The following UBE2QL1 variants were observed in gnomAD, a reference collection of about 807,000 sequenced individuals.
UBE2QL1 encodes ubiquitin-conjugating enzyme E2Q-like protein 1.
Under a neutral mutation model 12.6 loss-of-function variants are expected in UBE2QL1, and 5 were observed. The ratio of observed to expected loss-of-function variants is 0.40; its 90% CI spans 0.21 to 0.83. The LOEUF (loss-of-function observed/expected upper bound fraction) is 0.83. Among genes scored for constraint, UBE2QL1 ranks in the 40% least tolerant of loss-of-function variants. The probability of loss-of-function intolerance (pLI) is 0.37; values close to 1 mark genes in which losing one functional copy is unlikely to be tolerated. For synonymous variants in UBE2QL1, 96 were observed against 94.5 expected (o/e 1.02, Z -0.10); for missense variants, 99 against 222.6 (o/e 0.44, Z 3.53).
intron 1 of UBE2QL1, among the ~76,000 whole-genome samples, chr5:6,487,334 G>A (rs1412704807): frequency 3.3e-5 from 5 of 152,342 alleles, no homozygotes; most frequent in Middle Eastern, 3.4e-3. Context: ...GACAGATGCA[G>A]CCCTGGAGAA....
At chr5:6,463,606 T>TATTATG (rs1445905414) in intron 1 of UBE2QL1, among the ~76,000 whole-genome samples, 1 of 141,072 alleles carries the variant, frequency 7.1e-6, no homozygotes, top group Admixed American at 6.9e-5. Context: ...CTGTTATTAT[T>TATTATG]ATTATTATTA....
intron 1 of UBE2QL1, among the ~76,000 whole-genome samples, chr5:6,485,266 G>A (rs770704750): frequency 6.6e-6 from 1 of 152,170 alleles, no homozygotes; most frequent in African/African-American, 2.4e-5. Flanking sequence ...GAAGTCCCCT[G>A]CTTGTCAGTG....
At chr5:6,486,260 G>C (rs1465260423) in intron 1 of UBE2QL1, among the ~76,000 whole-genome samples, 2 of 151,976 alleles carry the variant, frequency 1.3e-5, no homozygotes, top group Non-Finnish European at 2.9e-5. Context: ...GGGATTTGAA[G>C]CCAGGTCTAC....
chr5:6,456,549 A>G (rs762894474), intron 1 of UBE2QL1, among the ~76,000 whole-genome samples: 1 of 151,358 alleles, frequency 6.6e-6, no homozygotes, highest in Non-Finnish European at 1.5e-5. Context: ...GTAAGTCGGC[A>G]AGCTAAGCTA....
intron 1 of UBE2QL1, among the ~76,000 whole-genome samples, chr5:6,483,185 C>G (rs929955488): frequency 6.6e-6 from 1 of 152,190 alleles, no homozygotes; most frequent in Non-Finnish European, 1.5e-5. Context: ...CCTGTAATCC[C>G]AGCACTTTGG....
chr5:6,475,309 A>G (rs1417894569), intron 1 of UBE2QL1, among the ~76,000 whole-genome samples: 11 of 152,218 alleles, frequency 7.2e-5, no homozygotes, highest in Admixed American at 7.2e-4. Flanking sequence ...TCAACCAGAG[A>G]CTAGGAATTT....
intron 1 of UBE2QL1, 89 bp from the exon 2 acceptor site, chr5:6,491,129 C>T (rs1415818936): frequency 1.1e-5 from 15 of 1,398,878 alleles, no homozygotes; most frequent in Non-Finnish European, 1.4e-5. Context: ...ATCAGAAATC[C>T]CCACGACTCT....
intron 1 of UBE2QL1, among the ~76,000 whole-genome samples, chr5:6,473,598 C>T (rs1003790283): frequency 2.6e-5 from 4 of 152,190 alleles, no homozygotes; most frequent in Non-Finnish European, 5.9e-5. Context: ...AATTCAGTTC[C>T]TCAAAAATAG....
chr5:6,463,721 G>A (rs1454579023), intron 1 of UBE2QL1, among the ~76,000 whole-genome samples: 2 of 150,692 alleles, frequency 1.3e-5, no homozygotes, highest in Non-Finnish European at 3.0e-5. Context: ...TCCGCCTCCC[G>A]GGTTCACGCC....
chr5:6,452,319 T>G (rs1739426967), intron 1 of UBE2QL1, among the ~76,000 whole-genome samples: 2 of 152,330 alleles, frequency 1.3e-5, no homozygotes, highest in South Asian at 2.1e-4. Context: ...TGTTGCTGTC[T>G]GAATTCTGGT....
At position 6,492,843 on chromosome 5, in the gene UBE2QL1, C is replaced by G. The variant is rs1364583010; in HGVS notation, c.*1494C>G. 6.6e-6 allele frequency: 1 copy of G among 152,194 alleles called. No homozygotes were observed. Among genetic ancestry groups the G allele is most frequent in the African/African-American group, 2.4e-5 (1 of 41,438 alleles). 9.4% of individuals were successfully genotyped at this position (152,194 alleles called of 1,614,324 possible). A position where few individuals can be genotyped will look rare whatever the true frequency, so the allele number is the denominator to read the frequency against. On this transcript the variant is annotated 3_prime_UTR_variant, in exon 2 of 2. Transcript: ENST00000399816. ...CAAGTTCAGATGTTGCCAATTGTAT[C>G]TTACTGCTGTGAAGGAGGAAAAGTC...
intron 1 of UBE2QL1, among the ~76,000 whole-genome samples, chr5:6,465,967 T>C (rs1739780252): frequency 6.6e-6 from 1 of 152,172 alleles, no homozygotes. Context: ...TGTCTCCCTC[T>C]GCTGCCCAGG....
chr5:6,463,489 T>A (rs1249224864), intron 1 of UBE2QL1, among the ~76,000 whole-genome samples: 1 of 151,966 alleles, frequency 6.6e-6, no homozygotes, highest in Non-Finnish European at 1.5e-5. Flanking sequence ...GCAAACGCCC[T>A]TGATTTTTTG....
At chr5:6,454,188 C>G (rs1739471304) in intron 1 of UBE2QL1, among the ~76,000 whole-genome samples, 1 of 152,146 alleles carries the variant, frequency 6.6e-6, no homozygotes, top group African/African-American at 2.4e-5. Context: ...AGCCATACAA[C>G]ACACAAAATG....
chr5:6,451,067 T>TTG (rs879855569), intron 1 of UBE2QL1, among the ~76,000 whole-genome samples: 1 of 152,244 alleles, frequency 6.6e-6, no homozygotes, highest in East Asian at 1.9e-4. Context: ...CAGTCTGTTA[T>TTG]TGTTTTTCAT....
At chr5:6,477,287 A>T (rs1734252454) in intron 1 of UBE2QL1, among the ~76,000 whole-genome samples, 1 of 152,240 alleles carries the variant, frequency 6.6e-6, no homozygotes, top group South Asian at 2.1e-4. Flanking sequence ...CATTTTAGTC[A>T]TGCCAAAGAT....
intron 1 of UBE2QL1, among the ~76,000 whole-genome samples, chr5:6,458,595 C>T (rs546127406): frequency 6.6e-6 from 1 of 151,844 alleles, no homozygotes; most frequent in Non-Finnish European, 1.5e-5. Flanking sequence ...ATTGGGTGCC[C>T]ATATTGCTTC....
At chr5:6,487,497 C>G (rs1361514174) in intron 1 of UBE2QL1, among the ~76,000 whole-genome samples, 1 of 152,168 alleles carries the variant, frequency 6.6e-6, no homozygotes, top group African/African-American at 2.4e-5. Flanking sequence ...AGTGATAACA[C>G]AAAGCTGTTG....
intron 1 of UBE2QL1, among the ~76,000 whole-genome samples, chr5:6,483,995 G>A (rs912906276): frequency 2.6e-5 from 4 of 152,212 alleles, no homozygotes; most frequent in Admixed American, 1.3e-4. Flanking sequence ...AAGTGTAACC[G>A]AAAGATCAGG....
Sources: allele counts gnomAD v4.1 joint callset (sites outside exome capture counted in the v4.1 genomes callset), GRCh38; gene constraint gnomAD v4.1.1; transcripts MANE v1.5; gene names NCBI Gene and HGNC (gene_info 2026-07-23, HGNC 2026-07-21).